The following TMEM132B variants were observed in gnomAD, a reference collection of about 807,000 sequenced individuals.
TMEM132B encodes the protein transmembrane protein 132B.
A neutral mutation model predicts 90.8 loss-of-function variants in TMEM132B; 18 were observed. The observed-to-expected ratio is 0.20, with a 90% CI of 0.14 to 0.29. The LOEUF (loss-of-function observed/expected upper bound fraction) is 0.29, where lower values mean the gene tolerates loss of function less well. TMEM132B is among the 10% of genes least tolerant of loss of function. TMEM132B has a pLI of 1.00. For synonymous variants in TMEM132B, 504 were observed against 523.3 expected, an observed-to-expected ratio of 0.96 and a Z score of 0.50; for missense variants, 1,096 against 1,326.8, an observed-to-expected ratio of 0.83 and a Z score of 2.70.
At chr12:125,368,155 T>C (rs1878187395) in intron 2 of TMEM132B, among the ~76,000 whole-genome samples, 1 of 152,190 alleles carries the variant, frequency 6.6e-6, no homozygotes, top group East Asian at 1.9e-4. Flanking sequence ...TTTTCATATA[T>C]TTGATATCTA....
chr12:125,294,936 T>C (rs1274970391), intron 1 of TMEM132B, among the ~76,000 whole-genome samples: 2 of 152,290 alleles, frequency 1.3e-5, no homozygotes, highest in East Asian at 1.9e-4. Context: ...TATCAACTTA[T>C]TGAAACTATG....
chr12:125,529,834 G>A (rs79791064), intron 4 of TMEM132B, among the ~76,000 whole-genome samples: 2,448 of 152,336 alleles, frequency 0.016, 68 homozygotes, highest in African/African-American at 0.057. Flanking sequence ...ATAAGTGCCC[G>A]TTGGCTGCTC....
At chr12:125,441,248 A>G (rs1880859719) in intron 3 of TMEM132B, among the ~76,000 whole-genome samples, 1 of 152,242 alleles carries the variant, frequency 6.6e-6, no homozygotes, top group African/African-American at 2.4e-5. Context: ...CCATGTCTAG[A>G]TCAAAAGTTG....
chr12:125,416,123 G>A (rs919780473), intron 3 of TMEM132B, among the ~76,000 whole-genome samples: 24 of 152,278 alleles, frequency 1.6e-4, no homozygotes, highest in African/African-American at 5.8e-4. Context: ...CTGGAAGGCG[G>A]CCTGTCTTCT....
chr12:125,470,229 G>A (rs1387422681), intron 3 of TMEM132B, among the ~76,000 whole-genome samples: 1 of 152,104 alleles, frequency 6.6e-6, no homozygotes, highest in African/African-American at 2.4e-5. Context: ...CACCTCAGCT[G>A]CTGAGCTAAG....
At chr12:125,640,929 G>GACACACACAC (rs60088908) in intron 5 of TMEM132B, among the ~76,000 whole-genome samples, 135 of 149,430 alleles carry the variant, frequency 9.0e-4, no homozygotes, top group African/African-American at 3.2e-3. Context: ...AGGAGAAATA[G>GACACACACAC]ACACACACAC....
chr12:125,480,032 C>A (rs550538196), intron 3 of TMEM132B, among the ~76,000 whole-genome samples: 9 of 152,246 alleles, frequency 5.9e-5, no homozygotes, highest in African/African-American at 1.7e-4. Flanking sequence ...GAAATGAAGA[C>A]AGAAATAAAG....
chr12:125,190,196 T>C (rs4412800), intron 1 of TMEM132B, among the ~76,000 whole-genome samples: 44,406 of 152,092 alleles, frequency 0.29, 6,937 homozygotes, highest in East Asian at 0.47. Flanking sequence ...TCCTCACCTA[T>C]GACTTTCTAA....
Position 125,653,912 on chromosome 12 carries a change from C to T in TMEM132B, c.2454C>T (p.His818=), listed in dbSNP as rs760901812. The T allele has an allele frequency of 6.2e-7, 1 of 1,614,148 alleles. No homozygotes were observed. The highest frequency in any genetic ancestry group is 2.2e-5 in the East Asian group (1 of 44,874). ...IEGINREYKD[H]LSNSIEREGN... is the part of the protein sequence containing the mutation. ...GCATAAATCGGGAATATAAAGACCA[C>T]CTCAGTAATTCCATAGAGCGCGAAG... The change falls in exon 9 of 9, where the codon CAC becomes CAT. Residue 818 remains histidine (H), a synonymous_variant. Coordinates refer to ENST00000682704, the MANE Select transcript of TMEM132B (RefSeq NM_001366854.1).
At chr12:125,388,004 G>T (rs1454608173) in intron 2 of TMEM132B, among the ~76,000 whole-genome samples, 2 of 152,170 alleles carry the variant, frequency 1.3e-5, no homozygotes, top group Non-Finnish European at 2.9e-5. Context: ...TTTGATGTTT[G>T]GGTTCTGAAA....
intron 3 of TMEM132B, among the ~76,000 whole-genome samples, chr12:125,489,835 G>T (rs1391496589): frequency 6.6e-6 from 1 of 152,198 alleles, no homozygotes; most frequent in Admixed American, 6.5e-5. Flanking sequence ...TAGCCAGTTT[G>T]AATGGTCCAA....
intron 3 of TMEM132B, among the ~76,000 whole-genome samples, chr12:125,508,033 T>A (rs1882888740): frequency 6.6e-6 from 1 of 152,168 alleles, no homozygotes; most frequent in Non-Finnish European, 1.5e-5. Flanking sequence ...CCAGCAGGCT[T>A]CCTGGACACA....
Position 125,208,654 on chromosome 12 carries a change from A to T in TMEM132B, c.67+21788A>T, listed in dbSNP as rs938333450. 1.1e-4 allele frequency among the ~76,000 whole-genome samples: 16 copies of T among 152,266 alleles called. No individual in the cohort carries two copies. In the East Asian group the frequency reaches 1.9e-3, roughly 18 times the overall value. ...GTGTTTTGTAGTGGAATCGTCTTCCACTGTATGGATAAGGGATTGGGATTT... is the reference window on the plus strand; with the variant it reads ...GTGTTTTGTAGTGGAATCGTCTTCCTCTGTATGGATAAGGGATTGGGATTT... On this transcript the variant is annotated intron_variant, in intron 1 of 8. Transcript: ENST00000682704.
At chr12:125,291,732 C>T (rs1244603226) in intron 1 of TMEM132B, among the ~76,000 whole-genome samples, 3 of 152,102 alleles carry the variant, frequency 2.0e-5, no homozygotes, top group Non-Finnish European at 4.4e-5. Flanking sequence ...GGACTTCTGA[C>T]CTATGGGAAC....
intron 3 of TMEM132B, among the ~76,000 whole-genome samples, chr12:125,483,959 G>A (rs1169894455): frequency 6.6e-6 from 1 of 152,202 alleles, no homozygotes; most frequent in African/African-American, 2.4e-5. Context: ...AACCTAACAT[G>A]AACATAATTG....
chr12:125,579,472 C>T (rs1885004908), intron 4 of TMEM132B, among the ~76,000 whole-genome samples: 1 of 151,854 alleles, frequency 6.6e-6, no homozygotes, highest in Admixed American at 6.6e-5. Context: ...AGCAATTCTC[C>T]TGCCTTAGCC....
intron 2 of TMEM132B, among the ~76,000 whole-genome samples, chr12:125,384,072 A>G (rs1878759329): frequency 1.3e-5 from 2 of 152,012 alleles, no homozygotes; most frequent in South Asian, 2.1e-4. Context: ...TCAGCTTCCC[A>G]AGTAGCTGGG....
chr12:125,457,627 G>A (rs1881328443), intron 3 of TMEM132B, among the ~76,000 whole-genome samples: 1 of 152,198 alleles, frequency 6.6e-6, no homozygotes, highest in African/African-American at 2.4e-5. Flanking sequence ...TGGGGCAGGG[G>A]AATAGTTGAT....
At chr12:125,515,599 ACT>A (rs1196971933) in intron 3 of TMEM132B, among the ~76,000 whole-genome samples, 1 of 150,434 alleles carries the variant, frequency 6.6e-6, no homozygotes, top group African/African-American at 2.4e-5. Flanking sequence ...TCTCACACAC[ACT>A]CATACAACAC....
Sources: gnomAD v4.1 joint callset for allele counts (sites outside exome capture counted in the v4.1 genomes callset) on GRCh38, gnomAD v4.1.1 for gene constraint, MANE v1.5 for transcripts, NCBI Gene and HGNC (gene_info 2026-07-23, HGNC 2026-07-21) for gene names.